The following RABGEF1 variants were observed in gnomAD, a reference collection of about 807,000 sequenced individuals.
The protein encoded by RABGEF1 is RAB guanine nucleotide exchange factor 1.
RABGEF1 carries 26 observed loss-of-function variants against 57.3 expected under a neutral mutation model. That is an observed-to-expected ratio of 0.45 (90% confidence interval 0.33 to 0.63). The LOEUF is 0.63. Among genes scored for constraint, RABGEF1 ranks in the 20% least tolerant of loss-of-function variants. The pLI is 0.02. For synonymous variants in RABGEF1, 185 were observed against 210.7 expected (o/e 0.88, Z 1.06); for missense variants, 464 against 607.6 (o/e 0.76, Z 2.48).
rs528159182 is a variant in RABGEF1, at chr7:66,684,639, G to GT, written c.-873+2384dup. ...TTTAGCCTGATTGGCTAAATTTTTT[G>GT]TTTGTTTGTTTTTGATACTGAGTCT... On this transcript the variant is annotated intron_variant and NMD_transcript_variant, in intron 1 of 9. Coordinates refer to the RABGEF1 transcript ENST00000607882. Among the ~76,000 whole-genome samples the GT allele has an allele frequency of 2.1e-3, 317 of 152,100 alleles. 4 individuals are homozygous for GT. The Middle Eastern group carries it at 0.051, about 24-fold the overall frequency.
At position 66,789,452 on chromosome 7, in the gene RABGEF1, A is replaced by G. The variant is rs529473436; in HGVS notation, c.513+5611A>G. On this transcript the variant is annotated intron_variant, in intron 4 of 8. Coordinates refer to ENST00000284957, the MANE Select transcript of RABGEF1 (RefSeq NM_014504.3). Reference sequence around the variant, plus strand: ...AATCCCAGCACTTTGGGAGGCTGAGATGGGCGGATCACAAGGTCAGGAGAT... The same window carrying G: ...AATCCCAGCACTTTGGGAGGCTGAGGTGGGCGGATCACAAGGTCAGGAGAT... Among the ~76,000 whole-genome samples the G allele has an allele frequency of 3.3e-5, 5 of 152,154 alleles. 1 individual carries two copies. The South Asian group carries it at 1.0e-3, about 32-fold the overall frequency.
the RABGEF1 span, among the ~76,000 whole-genome samples, chr7:66,656,646 C>T: frequency 1.3e-5 from 2 of 151,826 alleles, no homozygotes; most frequent in Non-Finnish European, 2.9e-5. Flanking sequence ...ATGGTGAAAC[C>T]GTGTCTCTAC....
chr7:66,720,006 T>C (rs1473843064), intron 2 of RABGEF1, among the ~76,000 whole-genome samples: 1 of 151,882 alleles, frequency 6.6e-6, no homozygotes, highest in Non-Finnish European at 1.5e-5. Flanking sequence ...AGATAAAATA[T>C]CAAGATCAAG....
At chr7:66,761,477 G>A (rs967726004) in intron 1 of RABGEF1, among the ~76,000 whole-genome samples, 3 of 152,218 alleles carry the variant, frequency 2.0e-5, no homozygotes, top group African/African-American at 2.4e-5. Context: ...GATGCTGGGG[G>A]CGAGGAATGG....
chr7:66,785,330 T>G (rs1018857839), intron 4 of RABGEF1, among the ~76,000 whole-genome samples: 22 of 152,230 alleles, frequency 1.4e-4, no homozygotes. Context: ...CATGGTTAGG[T>G]GGCCAAGTCC....
chr7:66,799,225 C>A, intron 6 of RABGEF1, 98 bp from the exon 7 acceptor site: 2 of 874,972 alleles, frequency 2.3e-6, no homozygotes, highest in South Asian at 1.6e-5. Flanking sequence ...ATTGAGTGGT[C>A]AGTGATGCCT....
intron 2 of RABGEF1, among the ~76,000 whole-genome samples, chr7:66,731,760 C>T (rs1215988895): frequency 6.6e-6 from 1 of 152,168 alleles, no homozygotes; most frequent in Non-Finnish European, 1.5e-5. Context: ...GAGAGCCACC[C>T]TCCTGTGCCA....
At chr7:66,738,943 GT>G (rs1003254678), upstream of RABGEF1, among the ~76,000 whole-genome samples, 1 of 151,720 alleles carries the variant, frequency 6.6e-6, no homozygotes, top group African/African-American at 2.4e-5. Flanking sequence ...CAGGTACTTT[GT>G]GTTTTTTTGT....
At chr7:66,697,403 A>G (rs918087342) in intron 1 of RABGEF1, among the ~76,000 whole-genome samples, 80 of 152,264 alleles carry the variant, frequency 5.3e-4, no homozygotes, top group African/African-American at 1.8e-3. Context: ...ATTCTATAAC[A>G]TAATTTCTGT....
the RABGEF1 span, among the ~76,000 whole-genome samples, chr7:66,668,041 A>G: frequency 1.3e-5 from 2 of 151,948 alleles, no homozygotes; most frequent in Non-Finnish European, 2.9e-5. Flanking sequence ...CAGGTGATCT[A>G]CCGGCCTTGG....
chr7:66,727,255 A>G (rs1364797191), intron 2 of RABGEF1, among the ~76,000 whole-genome samples: 1 of 152,170 alleles, frequency 6.6e-6, no homozygotes, highest in African/African-American at 2.4e-5. Flanking sequence ...CAGTTACTCA[A>G]CTACCTGATT....
chr7:66,674,244 T>A, the RABGEF1 span, among the ~76,000 whole-genome samples: 1 of 151,200 alleles, frequency 6.6e-6, no homozygotes, highest in Admixed American at 6.6e-5. Context: ...GACTGGAGTG[T>A]AGTGGTATGA....
At position 66,799,392 on chromosome 7, in the gene RABGEF1, TATG is replaced by T; in HGVS notation, c.799_801del (p.Met267del). 2.5e-6 allele frequency: 4 copies of T among 1,611,102 alleles called. No individual in the cohort carries two copies. The highest frequency in any genetic ancestry group is 3.4e-6 in the Non-Finnish European group (4 of 1,177,238). ...ATGAAGACATCCCAGAAGTGTCTGA[TATG>T]GTGGTGAAGGCGATCACAGGTCAGT... On this transcript the variant is annotated inframe_deletion, in exon 7 of 9. Coordinates refer to ENST00000284957, the MANE Select transcript of RABGEF1 (RefSeq NM_014504.3).
chr7:66,766,294 C>A (rs1407866426), intron 1 of RABGEF1, among the ~76,000 whole-genome samples: 2 of 150,036 alleles, frequency 1.3e-5, no homozygotes, highest in East Asian at 2.0e-4. Flanking sequence ...GAATGACAGA[C>A]CCTGTCTTCC....
At chr7:66,708,245 A>C (rs990499341) in intron 1 of RABGEF1, among the ~76,000 whole-genome samples, 1 of 150,274 alleles carries the variant, frequency 6.7e-6, no homozygotes, top group Non-Finnish European at 1.5e-5. Flanking sequence ...GATAACAATT[A>C]ACATCTTTGT....
At chr7:66,695,360 A>G (rs562542691) in intron 1 of RABGEF1, among the ~76,000 whole-genome samples, 1 of 152,238 alleles carries the variant, frequency 6.6e-6, no homozygotes, top group East Asian at 1.9e-4. Flanking sequence ...TCTGAGGGCC[A>G]CTCACATGAA....
upstream of RABGEF1, among the ~76,000 whole-genome samples, chr7:66,737,049 G>T (rs181696692): frequency 6.9e-3 from 950 of 137,920 alleles, 3 homozygotes; most frequent in Non-Finnish European, 0.01. Context: ...ATATATGAGG[G>T]GGGAGAGAGA....
chr7:66,760,181 C>T (rs1562801494), intron 1 of RABGEF1, among the ~76,000 whole-genome samples: 1 of 152,168 alleles, frequency 6.6e-6, no homozygotes, highest in Non-Finnish European at 1.5e-5. Flanking sequence ...TCCTTCCCCT[C>T]CTCTTCCTTG....
chr7:66,765,808 C>T (rs1401299243), intron 1 of RABGEF1, among the ~76,000 whole-genome samples: 1 of 152,102 alleles, frequency 6.6e-6, no homozygotes, highest in Admixed American at 6.5e-5. Context: ...GGACCATTCA[C>T]CTTATACAAA....
Sources: allele counts gnomAD v4.1 joint callset (sites outside exome capture counted in the v4.1 genomes callset), GRCh38; gene constraint gnomAD v4.1.1; transcripts MANE v1.5; gene names NCBI Gene and HGNC (gene_info 2026-07-23, HGNC 2026-07-21).